NLGN1: variants seen among roughly 807,000 people sequenced by gnomAD.
The protein encoded by NLGN1 is neuroligin-1.
In NLGN1, 12 loss-of-function variants were observed where a neutral mutation model predicts 65.5. The observed-to-expected ratio is 0.18, with a 90% CI of 0.12 to 0.30. The LOEUF is 0.30. Ranked by LOEUF, NLGN1 falls within the 10% of genes least tolerant of loss-of-function variation. The pLI, the probability that NLGN1 is intolerant of heterozygous loss-of-function variation, is 1.00. For missense variants in NLGN1, 750 were observed against 1,007.1 expected, an observed-to-expected ratio of 0.74 and a Z score of 3.46; for synonymous variants, 350 against 359.5, an observed-to-expected ratio of 0.97 and a Z score of 0.30.
intron 1 of NLGN1, among the ~76,000 whole-genome samples, chr3:173,426,183 A>G (rs1054533951): frequency 2.6e-5 from 4 of 152,044 alleles, no homozygotes; most frequent in African/African-American, 4.8e-5. Flanking sequence ...ATTTAGTATT[A>G]TATTTTGCAA....
In NLGN1 at chr3:173,419,983, A is replaced by AAAAT. The variant is rs1450538548; in HGVS notation, c.-389-15023_-389-15020dup. The stretch of plus-strand genomic sequence containing the variant: ...AGAGACTCAGTCTCAAAAATAAAAT[A>AAAAT]AAATAAAATAAAATAAAGTAAAATA... On this transcript the variant is annotated intron_variant, in intron 1 of 6. Coordinates refer to ENST00000457714, the Ensembl canonical transcript of NLGN1. 1.5e-3 allele frequency among the ~76,000 whole-genome samples: 205 copies of AAAAT among 141,350 alleles called. 1 individual carries two copies. The highest frequency in any genetic ancestry group is 5.2e-3 in the African/African-American group (199 of 38,562). 92.7% of individuals were successfully genotyped at this position (141,350 alleles called of 152,430 possible). A position where few individuals can be genotyped will look rare whatever the true frequency, so the allele number is the denominator to read the frequency against.
At chr3:173,809,645 C>G (rs1466018141) in intron 4 of NLGN1, among the ~76,000 whole-genome samples, 1 of 152,098 alleles carries the variant, frequency 6.6e-6, no homozygotes, top group African/African-American at 2.4e-5. Context: ...AGCAAGATTT[C>G]ATAACATAAA....
intron 4 of NLGN1, among the ~76,000 whole-genome samples, chr3:173,830,697 A>G (rs748681216): frequency 6.6e-6 from 1 of 152,334 alleles, no homozygotes; most frequent in African/African-American, 2.4e-5. Context: ...AAAATCTTCT[A>G]GAATTCAAAA....
intron 4 of NLGN1, among the ~76,000 whole-genome samples, chr3:173,946,915 C>T (rs539220705): frequency 6.6e-6 from 1 of 152,276 alleles, no homozygotes; most frequent in Non-Finnish European, 1.5e-5. Context: ...AGTGAGGGCT[C>T]TAGGGCATCA....
chr3:174,205,041 T>G (rs903555562), intron 4 of NLGN1, among the ~76,000 whole-genome samples: 9 of 152,204 alleles, frequency 5.9e-5, no homozygotes, highest in African/African-American at 2.2e-4. Flanking sequence ...ATTATGTAAC[T>G]GTACTGAACA....
At chr3:173,681,315 G>C (rs1354895344) in intron 3 of NLGN1, among the ~76,000 whole-genome samples, 1 of 152,192 alleles carries the variant, frequency 6.6e-6, no homozygotes, top group Non-Finnish European at 1.5e-5. Flanking sequence ...ATAGAAGATT[G>C]ATGTTTTGAT....
intron 2 of NLGN1, among the ~76,000 whole-genome samples, chr3:173,463,656 C>T (rs767608340): frequency 6.6e-6 from 1 of 152,154 alleles, no homozygotes; most frequent in Non-Finnish European, 1.5e-5. Flanking sequence ...GAGGATCCCT[C>T]GGGATTCCTG....
At chr3:173,940,324 G>A (rs1163740464) in intron 4 of NLGN1, among the ~76,000 whole-genome samples, 1 of 151,926 alleles carries the variant, frequency 6.6e-6, no homozygotes, top group Non-Finnish European at 1.5e-5. Flanking sequence ...CCTGACCTCA[G>A]GTGATCTGCC....
intron 4 of NLGN1, among the ~76,000 whole-genome samples, chr3:173,996,057 C>T (rs1158691600): frequency 6.6e-6 from 1 of 152,100 alleles, no homozygotes; most frequent in Non-Finnish European, 1.5e-5. Flanking sequence ...TTATTGAAAG[C>T]TCAAAAACAG....
intron 4 of NLGN1, among the ~76,000 whole-genome samples, chr3:174,106,669 G>T (rs1044288207): frequency 1.3e-5 from 2 of 151,976 alleles, no homozygotes; most frequent in African/African-American, 4.8e-5. Context: ...TATAGGAGGA[G>T]ATTTTTAAAT....
At chr3:173,704,695 A>G (rs1767776259) in intron 3 of NLGN1, among the ~76,000 whole-genome samples, 1 of 152,300 alleles carries the variant, frequency 6.6e-6, no homozygotes, top group East Asian at 1.9e-4. Context: ...ATTATTCTTA[A>G]TCAGTTAATG....
chr3:174,225,015 T>C (rs1739358864), intron 4 of NLGN1, among the ~76,000 whole-genome samples: 1 of 152,112 alleles, frequency 6.6e-6, no homozygotes, highest in African/African-American at 2.4e-5. Flanking sequence ...ATGTGGACTC[T>C]TTCCTTTCCC....
At chr3:173,923,280 A>G (rs1742395831) in intron 4 of NLGN1, among the ~76,000 whole-genome samples, 1 of 152,080 alleles carries the variant, frequency 6.6e-6, no homozygotes, top group Non-Finnish European at 1.5e-5. Flanking sequence ...GTTTTGTGGT[A>G]ATTGTTTTCT....
intron 4 of NLGN1, among the ~76,000 whole-genome samples, chr3:173,861,278 A>C (rs1216348568): frequency 2.0e-5 from 3 of 152,156 alleles, no homozygotes; most frequent in East Asian, 1.9e-4. Flanking sequence ...TCATACTGTA[A>C]ATTTAATGTG....
At chr3:174,032,912 A>G (rs1265939675) in intron 4 of NLGN1, among the ~76,000 whole-genome samples, 1 of 152,062 alleles carries the variant, frequency 6.6e-6, no homozygotes, top group Non-Finnish European at 1.5e-5. Context: ...AAGGAAATAG[A>G]TTTGGAATGC....
intron 4 of NLGN1, among the ~76,000 whole-genome samples, chr3:173,883,938 G>C (rs1050935311): frequency 6.7e-6 from 1 of 149,822 alleles, no homozygotes; most frequent in Non-Finnish European, 1.5e-5. Flanking sequence ...TGTCGTTCTA[G>C]CATTTTTACT....
At chr3:174,192,051 A>G (rs1732488807) in intron 4 of NLGN1, among the ~76,000 whole-genome samples, 1 of 152,152 alleles carries the variant, frequency 6.6e-6, no homozygotes, top group Non-Finnish European at 1.5e-5. Flanking sequence ...CAATAAAATT[A>G]TACTTTAATC....
chr3:173,901,860 A>G (rs1023954794), intron 4 of NLGN1, among the ~76,000 whole-genome samples: 3 of 152,124 alleles, frequency 2.0e-5, no homozygotes, highest in Non-Finnish European at 2.9e-5. Flanking sequence ...GCTGTGTCAG[A>G]GTCAGAGCCA....
rs142363126 is a variant in NLGN1 at position 173,571,863 on chromosome 3, T to C, written c.-320-32416T>C. 5.4e-3 allele frequency among the ~76,000 whole-genome samples: 820 copies of C among 152,282 alleles called. 8 individuals are homozygous for C. The highest frequency in any genetic ancestry group is 0.018 in the African/African-American group (768 of 41,544). ...CATTCTCAAAAGCAAAACTTAGGTA[T>C]GTGTTAGGTTAAAAGATCTTCCTTT... On this transcript the variant is annotated intron_variant, in intron 2 of 6. Transcript: ENST00000457714.
Sources: allele counts gnomAD v4.1 joint callset (sites outside exome capture counted in the v4.1 genomes callset), GRCh38; gene constraint gnomAD v4.1.1; transcripts MANE v1.5; gene names NCBI Gene and HGNC (gene_info 2026-07-23, HGNC 2026-07-21).